GRM1: variants seen among roughly 807,000 people sequenced by gnomAD.
The protein encoded by GRM1 is glutamate metabotropic receptor 1, also known as metabotropic glutamate receptor 1.
A neutral mutation model predicts 90.9 loss-of-function variants in GRM1; 33 were observed. That is an observed-to-expected ratio of 0.36 (90% CI 0.28 to 0.49). The LOEUF (loss-of-function observed/expected upper bound fraction) is 0.49. Among genes scored for constraint, GRM1 ranks in the 20% least tolerant of loss-of-function variants. The probability of loss-of-function intolerance (pLI) is 0.99; values close to 1 mark genes in which losing one functional copy is unlikely to be tolerated. For missense variants in GRM1, 1,190 were observed against 1,534.3 expected (o/e 0.78, Z 3.75); for synonymous variants, 700 against 613.2 (o/e 1.14, Z -2.09).
intron 2 of GRM1, among the ~76,000 whole-genome samples, chr6:146,230,142 C>A (rs572611224): frequency 6.6e-6 from 1 of 152,268 alleles, no homozygotes; most frequent in Non-Finnish European, 1.5e-5. Flanking sequence ...TTGTTTACAA[C>A]ACTTTGCATA....
At chr6:146,404,240 C>G (rs1337726359) in intron 7 of GRM1, among the ~76,000 whole-genome samples, 1 of 152,032 alleles carries the variant, frequency 6.6e-6, no homozygotes. Flanking sequence ...ATCAATTTCT[C>G]ATTCATTCAT....
intron 2 of GRM1, among the ~76,000 whole-genome samples, chr6:146,204,478 A>G (rs1229434760): frequency 2.0e-5 from 3 of 152,196 alleles, no homozygotes; most frequent in Non-Finnish European, 4.4e-5. Flanking sequence ...GGCACGGTCT[A>G]TTGTTAACAT....
At chr6:146,247,332 AACCTAGTGAT>A (rs1456012571) in intron 2 of GRM1, among the ~76,000 whole-genome samples, 1 of 152,182 alleles carries the variant, frequency 6.6e-6, no homozygotes, top group Admixed American at 6.5e-5. Flanking sequence ...GGCTGCCACT[AACCTAGTGAT>A]ACAGCTGCAT....
chr6:146,410,542 T>C (rs1777522601), intron 7 of GRM1, among the ~76,000 whole-genome samples: 1 of 152,042 alleles, frequency 6.6e-6, no homozygotes, highest in Non-Finnish European at 1.5e-5. Flanking sequence ...CACAACAATG[T>C]GACAAAGTGA....
chr6:146,406,944 C>T (rs1777369193), intron 7 of GRM1, among the ~76,000 whole-genome samples: 2 of 152,150 alleles, frequency 1.3e-5, no homozygotes, highest in Admixed American at 1.3e-4. Flanking sequence ...ACAGCATGCA[C>T]ATCTGTTCTG....
At chr6:146,179,869 G>T (rs1295658410) in intron 2 of GRM1, among the ~76,000 whole-genome samples, 1 of 147,492 alleles carries the variant, frequency 6.8e-6, no homozygotes, top group Non-Finnish European at 1.5e-5. Context: ...TCTTTTAAGA[G>T]TTTGAAAAAC....
chr6:146,325,073 T>G (rs1173884896), intron 3 of GRM1, among the ~76,000 whole-genome samples: 1 of 152,200 alleles, frequency 6.6e-6, no homozygotes, highest in Non-Finnish European at 1.5e-5. Flanking sequence ...GAGTGACATT[T>G]GTTGGAAGAG....
intron 5 of GRM1, among the ~76,000 whole-genome samples, chr6:146,386,518 A>G (rs1225893335): frequency 6.6e-6 from 1 of 152,122 alleles, no homozygotes; most frequent in Non-Finnish European, 1.5e-5. Flanking sequence ...TTAGTAAAAC[A>G]TTACTTGCTT....
intron 2 of GRM1, among the ~76,000 whole-genome samples, chr6:146,185,202 A>G (rs1192178370): frequency 1.3e-5 from 2 of 152,196 alleles, no homozygotes; most frequent in African/African-American, 4.8e-5. Context: ...ATCTGAACAC[A>G]TATGAATTAA....
chr6:146,101,643 TTCAAGG>T (rs1322299543), intron 1 of GRM1, among the ~76,000 whole-genome samples: 2 of 152,084 alleles, frequency 1.3e-5, no homozygotes, highest in African/African-American at 4.8e-5. Context: ...AGGACTATTT[TTCAAGG>T]TCCTTATGTT....
At chr6:146,319,110 G>A (rs771249334) in intron 3 of GRM1, among the ~76,000 whole-genome samples, 1 of 152,012 alleles carries the variant, frequency 6.6e-6, no homozygotes, top group African/African-American at 2.4e-5. Context: ...TTTCTTCTAG[G>A]GTTTTTATGA....
intron 3 of GRM1, among the ~76,000 whole-genome samples, chr6:146,309,669 T>C (rs1304670543): frequency 6.6e-6 from 1 of 152,130 alleles, no homozygotes; most frequent in Non-Finnish European, 1.5e-5. Flanking sequence ...TCTTATGTTG[T>C]CAGTCATTTA....
chr6:146,335,416 A>G (rs1184004650), intron 3 of GRM1, among the ~76,000 whole-genome samples: 2 of 152,186 alleles, frequency 1.3e-5, no homozygotes, highest in Non-Finnish European at 2.9e-5. Flanking sequence ...ATAAAACTCT[A>G]GGAGGTTTCT....
At chr6:146,376,372 G>A (rs1199733472) in intron 5 of GRM1, among the ~76,000 whole-genome samples, 2 of 151,912 alleles carry the variant, frequency 1.3e-5, no homozygotes, top group African/African-American at 4.8e-5. Context: ...AGCGAATTTT[G>A]TACCTTGAGG....
At chr6:146,074,723 A>G (rs925531023) in intron 1 of GRM1, among the ~76,000 whole-genome samples, 2 of 152,142 alleles carry the variant, frequency 1.3e-5, no homozygotes, top group Non-Finnish European at 2.9e-5. Context: ...GGCTGGGATT[A>G]CTTGGACTTT....
At chr6:146,114,052 G>A (rs1019472365) in intron 1 of GRM1, among the ~76,000 whole-genome samples, 1 of 152,048 alleles carries the variant, frequency 6.6e-6, no homozygotes, top group Non-Finnish European at 1.5e-5. Flanking sequence ...TACTATATTT[G>A]TTGACACGTG....
intron 2 of GRM1, among the ~76,000 whole-genome samples, chr6:146,200,646 C>G (rs1036621709): frequency 1.3e-5 from 2 of 152,110 alleles, no homozygotes; most frequent in African/African-American, 4.8e-5. Flanking sequence ...TGTGATAGTT[C>G]AGCTGCTCTA....
rs143888319 is a variant in GRM1, at chr6:146,240,312, G to A, written c.951-64299G>A. ...TACTCATGAGGCATCACCCAAAAGG[G>A]TAAATTAAGAGTGTTAATAAAAGAC... On this transcript the variant is annotated intron_variant, in intron 2 of 7. Transcript: ENST00000282753. Among the ~76,000 whole-genome samples, 400 of 152,074 alleles carry A rather than the reference G, an allele frequency of 2.6e-3. 4 individuals carry two copies. Among genetic ancestry groups the A allele is most frequent in the African/African-American group, 8.8e-3 (366 of 41,486 alleles).
At chr6:146,101,081 A>T (rs1777034827) in intron 1 of GRM1, among the ~76,000 whole-genome samples, 1 of 152,234 alleles carries the variant, frequency 6.6e-6, no homozygotes, top group South Asian at 2.1e-4. Flanking sequence ...TGACAAAGTG[A>T]GAACCTATCT....
Sources: allele counts gnomAD v4.1 joint callset (sites outside exome capture counted in the v4.1 genomes callset), GRCh38; gene constraint gnomAD v4.1.1; transcripts MANE v1.5; gene names NCBI Gene and HGNC (gene_info 2026-07-23, HGNC 2026-07-21).